The following TMEM135 variants were observed in gnomAD, a reference collection of about 807,000 sequenced individuals.
TMEM135 encodes peroxisomal membrane protein 52.
A neutral mutation model predicts 60.3 loss-of-function variants in TMEM135; 30 were observed. That is an observed-to-expected ratio of 0.50 (90% CI 0.37 to 0.68). The LOEUF is 0.68. Ranked by LOEUF, TMEM135 falls within the 30% of genes least tolerant of loss-of-function variation. The pLI is 0.00. For missense variants in TMEM135, 468 were observed against 548.8 expected, an observed-to-expected ratio of 0.85 and a Z score of 1.47; for synonymous variants, 190 against 186.7, an observed-to-expected ratio of 1.02 and a Z score of -0.14.
At chr11:87,249,199 C>G (rs984061715) in intron 6 of TMEM135, among the ~76,000 whole-genome samples, 1 of 152,118 alleles carries the variant, frequency 6.6e-6, no homozygotes, top group Non-Finnish European at 1.5e-5. Context: ...TCAGTTTTTT[C>G]TCATTCACTA....
chr11:87,320,872 T>A (rs907653916), intron 14 of TMEM135, among the ~76,000 whole-genome samples: 1 of 152,130 alleles, frequency 6.6e-6, no homozygotes, highest in African/African-American at 2.4e-5. Context: ...ATCATAAAAA[T>A]AATAATGAAC....
chr11:87,057,211 C>G (rs1251689231), intron 1 of TMEM135, among the ~76,000 whole-genome samples: 1 of 152,070 alleles, frequency 6.6e-6, no homozygotes, highest in East Asian at 1.9e-4. Flanking sequence ...GAAAGCCTAT[C>G]TCAACTTTTA....
At chr11:87,120,190 G>A (rs1476363769) in intron 4 of TMEM135, among the ~76,000 whole-genome samples, 1 of 142,320 alleles carries the variant, frequency 7.0e-6, no homozygotes, top group Non-Finnish European at 1.5e-5. Context: ...ACAGCTCACT[G>A]TAACCTTGAT....
intron 4 of TMEM135, chr11:87,121,189 G>A (rs760250613): frequency 3.9e-5 from 6 of 152,278 alleles, no homozygotes; most frequent in Admixed American, 6.5e-5. Flanking sequence ...CTGAGGGAGC[G>A]TTGTGTGCAC....
At chr11:87,135,589 A>G (rs1302178414) in intron 4 of TMEM135, among the ~76,000 whole-genome samples, 2 of 148,294 alleles carry the variant, frequency 1.3e-5, no homozygotes, top group African/African-American at 5.0e-5. Context: ...CATCTCTTTC[A>G]CTGATCTATT....
chr11:87,319,412 G>T, intron 14 of TMEM135, 35 bp downstream of exon 14: 1 of 1,462,286 alleles, frequency 6.8e-7, no homozygotes, highest in South Asian at 1.1e-5. Context: ...AAAATATTAT[G>T]AGTGGTTTTA....
At chr11:87,060,285 T>C (rs188699761) in intron 1 of TMEM135, among the ~76,000 whole-genome samples, 87 of 152,342 alleles carry the variant, frequency 5.7e-4, no homozygotes, top group Admixed American at 1.2e-3. Context: ...TATTTTTTTG[T>C]AGACTGGAAC....
intron 3 of TMEM135, among the ~76,000 whole-genome samples, chr11:87,073,743 CT>C (rs1305515763): frequency 6.6e-6 from 1 of 151,978 alleles, no homozygotes; most frequent in Non-Finnish European, 1.5e-5. Context: ...TCTCGGCTCA[CT>C]GCAACTTCTG....
chr11:87,221,972 C>T lies in TMEM135; in HGVS notation c.463-14666C>T, dbSNP rs569861000. On this transcript the variant is annotated intron_variant, in intron 5 of 14. Transcript: ENST00000305494. ...CAGAACTTTGGGAGGCCGAGGTGGGCGGATTGTGAGGTCAGGAGATCGAGA... is the reference window on the plus strand; with the variant it reads ...CAGAACTTTGGGAGGCCGAGGTGGGTGGATTGTGAGGTCAGGAGATCGAGA... 1.6e-3 allele frequency among the ~76,000 whole-genome samples: 247 copies of T among 151,992 alleles called. 1 individual carries two copies. The highest frequency in any genetic ancestry group is 5.6e-3 in the African/African-American group (231 of 41,486).
intron 4 of TMEM135, among the ~76,000 whole-genome samples, chr11:87,097,648 C>T (rs147914124): frequency 6.6e-6 from 1 of 152,238 alleles, no homozygotes; most frequent in African/African-American, 2.4e-5. Flanking sequence ...CTTTTACCAC[C>T]ACTGTCTGCT....
chr11:87,144,994 A>G (rs936770744), intron 4 of TMEM135, among the ~76,000 whole-genome samples: 1 of 152,118 alleles, frequency 6.6e-6, no homozygotes, highest in Non-Finnish European at 1.5e-5. Flanking sequence ...CAATTTGGAA[A>G]TGTGCTGTAC....
intron 5 of TMEM135, among the ~76,000 whole-genome samples, chr11:87,231,254 G>A (rs962886702): frequency 6.6e-6 from 1 of 152,108 alleles, no homozygotes; most frequent in Non-Finnish European, 1.5e-5. Flanking sequence ...ACTGAGTAGG[G>A]CTTACATGTG....
chr11:87,138,222 C>T (rs539629242), intron 4 of TMEM135, among the ~76,000 whole-genome samples: 3 of 151,890 alleles, frequency 2.0e-5, no homozygotes, highest in African/African-American at 7.2e-5. Context: ...TTCCAAGTAG[C>T]TGGGATTACA....
At chr11:87,072,078 T>C (rs547394680) in intron 3 of TMEM135, among the ~76,000 whole-genome samples, 2 of 152,092 alleles carry the variant, frequency 1.3e-5, no homozygotes, top group Non-Finnish European at 2.9e-5. Context: ...TTGTAGTCCC[T>C]GCTACTCAGG....
At chr11:87,074,195 A>C (rs947693246) in intron 3 of TMEM135, among the ~76,000 whole-genome samples, 2 of 152,062 alleles carry the variant, frequency 1.3e-5, no homozygotes, top group African/African-American at 4.8e-5. Context: ...CGAACTCCCA[A>C]CCTCAGGTGA....
chr11:87,077,511 C>T (rs895242418), intron 3 of TMEM135, among the ~76,000 whole-genome samples: 28 of 152,282 alleles, frequency 1.8e-4, no homozygotes, highest in African/African-American at 5.5e-4. Context: ...TTGCAGAATG[C>T]GTTTCATATA....
At chr11:87,068,865 A>G (rs192725986) in intron 2 of TMEM135, among the ~76,000 whole-genome samples, 2 of 152,128 alleles carry the variant, frequency 1.3e-5, no homozygotes, top group African/African-American at 4.8e-5. Flanking sequence ...TTTCCCTAAG[A>G]TCATTATCAG....
Position 87,324,357 on chromosome 11 carries a change from G to A in TMEM135, c.*3024G>A, listed in dbSNP as rs1450118812. The A allele has an allele frequency of 4.4e-6, 2 of 453,996 alleles. No homozygotes were observed. The highest frequency in any genetic ancestry group is 4.7e-5 in the Admixed American group (2 of 42,542). The allele number at this position is 453,996 out of a possible 1,614,324, so 28.1% of individuals were successfully genotyped here. A position where few individuals can be genotyped will look rare whatever the true frequency, so the allele number is the denominator to read the frequency against. On this transcript the variant is annotated 3_prime_UTR_variant, in exon 15 of 15. Coordinates refer to ENST00000305494, the MANE Select transcript of TMEM135 (RefSeq NM_022918.4). ...AAGGGAACTGACCACTGGAGCAATG[G>A]CCCAAATGTTGTTTTTGGAGCAGAG...
intron 4 of TMEM135, among the ~76,000 whole-genome samples, chr11:87,139,767 G>A (rs1207646739): frequency 1.3e-5 from 2 of 151,962 alleles, no homozygotes; most frequent in Non-Finnish European, 2.9e-5. Flanking sequence ...TCTTATTTTG[G>A]TTTTAATTTG....
Sources: gnomAD v4.1 joint callset for allele counts (sites outside exome capture counted in the v4.1 genomes callset) on GRCh38, gnomAD v4.1.1 for gene constraint, MANE v1.5 for transcripts, NCBI Gene and HGNC (gene_info 2026-07-23, HGNC 2026-07-21) for gene names.